COL19A1: variants seen among roughly 807,000 people sequenced by gnomAD.
COL19A1 encodes collagen alpha-1(XIX) chain.
In COL19A1, 159 loss-of-function variants were observed where a neutral mutation model predicts 190.2. The ratio of observed to expected loss-of-function variants is 0.84; its 90% CI spans 0.73 to 0.95. COL19A1 has a LOEUF of 0.95. Among genes scored for constraint, COL19A1 ranks in the 40% least tolerant of loss-of-function variants. COL19A1 has a pLI of 0.00. For missense variants in COL19A1, 1,418 were observed against 1,431.9 expected (o/e 0.99, Z 0.16); for synonymous variants, 509 against 458.9 (o/e 1.11, Z -1.39).
chr6:70,063,908 C>A (rs1299612193), intron 14 of COL19A1, among the ~76,000 whole-genome samples: 13 of 152,004 alleles, frequency 8.6e-5, no homozygotes, highest in Admixed American at 2.0e-4. Context: ...ACACATACAC[C>A]CTCCCAAGAC....
At chr6:70,009,288 T>C (rs1311886855) in intron 11 of COL19A1, among the ~76,000 whole-genome samples, 1 of 152,060 alleles carries the variant, frequency 6.6e-6, no homozygotes, top group Non-Finnish European at 1.5e-5. Context: ...TACAATTCAT[T>C]AGCAAGTTTA....
intron 15 of COL19A1, among the ~76,000 whole-genome samples, chr6:70,071,689 T>G (rs1372829270): frequency 6.6e-6 from 1 of 152,016 alleles, no homozygotes; most frequent in Non-Finnish European, 1.5e-5. Context: ...TGAATATTGA[T>G]CCTAAGCTAC....
intron 15 of COL19A1, among the ~76,000 whole-genome samples, chr6:70,100,928 A>AG (rs1306388876): frequency 6.6e-6 from 1 of 152,176 alleles, no homozygotes. Flanking sequence ...ATCCAATCCC[A>AG]GCATTGTATT....
chr6:69,874,943 T>C (rs1264691318), intron 1 of COL19A1, among the ~76,000 whole-genome samples: 2 of 143,484 alleles, frequency 1.4e-5, no homozygotes, highest in Non-Finnish European at 3.1e-5. Context: ...TTTTAAAAAT[T>C]CAACAAATAT....
Position 70,211,216 on chromosome 6 carries a change from G to C in COL19A1, c.*3942G>C, listed in dbSNP as rs548187658. Among the ~76,000 whole-genome samples the C allele has an allele frequency of 6.6e-5, 10 of 152,090 alleles. No individual in the cohort carries two copies. In the South Asian group the frequency reaches 2.1e-3, roughly 32 times the overall value. ...ATCACTATTTACAAAAGTACAATTAGAAACACTGTTTTTTTTAAGTACCGT... is the reference window on the plus strand; with the variant it reads ...ATCACTATTTACAAAAGTACAATTACAAACACTGTTTTTTTTAAGTACCGT... On this transcript the variant is annotated 3_prime_UTR_variant, in exon 51 of 51. Coordinates refer to ENST00000620364, the MANE Select transcript of COL19A1 (RefSeq NM_001858.6).
At chr6:70,075,211 G>C (rs1781813013) in intron 15 of COL19A1, among the ~76,000 whole-genome samples, 1 of 152,060 alleles carries the variant, frequency 6.6e-6, no homozygotes, top group African/African-American at 2.4e-5. Flanking sequence ...AGGGAAATTG[G>C]GTACCCTATT....
intron 4 of COL19A1, among the ~76,000 whole-genome samples, chr6:69,907,149 A>T (rs1285569704): frequency 4.0e-5 from 6 of 149,360 alleles, no homozygotes; most frequent in African/African-American, 1.5e-4. Flanking sequence ...CTCCAAAAAA[A>T]CAGAGTCTCC....
intron 18 of COL19A1, among the ~76,000 whole-genome samples, chr6:70,131,375 A>G (rs1410228503): frequency 6.6e-6 from 1 of 152,228 alleles, no homozygotes; most frequent in East Asian, 1.9e-4. Flanking sequence ...AAAGTCGTAC[A>G]CCCATCACCA....
intron 15 of COL19A1, among the ~76,000 whole-genome samples, chr6:70,090,381 C>T (rs1037833203): frequency 2.6e-5 from 4 of 152,192 alleles, no homozygotes; most frequent in Non-Finnish European, 4.4e-5. Flanking sequence ...CAACTATTTA[C>T]ATGGCATTTT....
intron 2 of COL19A1, chr6:69,890,612 A>G (rs1422145165): frequency 2.0e-5 from 3 of 152,244 alleles, no homozygotes; most frequent in Non-Finnish European, 4.4e-5. Flanking sequence ...TTTAAACAAT[A>G]AATAATTTTT....
intron 15 of COL19A1, among the ~76,000 whole-genome samples, 192 bp from the exon 16 acceptor site, chr6:70,101,977 A>G (rs1783658996): frequency 6.6e-6 from 1 of 152,222 alleles, no homozygotes; most frequent in Admixed American, 6.5e-5. Context: ...TTCAGGTACT[A>G]TACTTCTCAT....
intron 18 of COL19A1, among the ~76,000 whole-genome samples, chr6:70,132,890 A>G (rs1785610797): frequency 6.6e-6 from 1 of 152,072 alleles, no homozygotes; most frequent in Admixed American, 6.6e-5. Context: ...CATTCACACC[A>G]TGGGCAGAAT....
intron 4 of COL19A1, among the ~76,000 whole-genome samples, chr6:69,916,966 C>T (rs1771349513): frequency 6.6e-6 from 1 of 152,206 alleles, no homozygotes; most frequent in Non-Finnish European, 1.5e-5. Flanking sequence ...TTAACGTCTG[C>T]AGCTTTAATT....
chr6:70,186,426 G>C (rs764533889), intron 46 of COL19A1, among the ~76,000 whole-genome samples: 2 of 152,146 alleles, frequency 1.3e-5, no homozygotes, highest in Non-Finnish European at 2.9e-5. Context: ...TAAGACAGTA[G>C]CATTGATACC....
intron 9 of COL19A1, among the ~76,000 whole-genome samples, chr6:69,957,133 A>G (rs1774470470): frequency 6.6e-6 from 1 of 152,134 alleles, no homozygotes; most frequent in African/African-American, 2.4e-5. Flanking sequence ...TTCAGACAAT[A>G]TATGTTTCCT....
intron 9 of COL19A1, among the ~76,000 whole-genome samples, chr6:69,959,333 G>A (rs1582526373): frequency 6.6e-6 from 1 of 152,016 alleles, no homozygotes; most frequent in South Asian, 2.1e-4. Flanking sequence ...CCAGATATGG[G>A]TAATAAAGTA....
chr6:69,883,293 T>A (rs1254783395), intron 2 of COL19A1, among the ~76,000 whole-genome samples: 3 of 152,124 alleles, frequency 2.0e-5, no homozygotes, highest in African/African-American at 7.2e-5. Context: ...GCCTGCAAGG[T>A]CAAAGGCTAG....
In COL19A1 at chr6:69,893,613, A is replaced by G. The variant is rs73480030; in HGVS notation, c.92-5335A>G. Among the ~76,000 whole-genome samples, 1,273 of 152,312 alleles carry G rather than the reference A, an allele frequency of 8.4e-3. 20 individuals carry two copies. The highest frequency in any genetic ancestry group is 0.026 in the African/African-American group (1,099 of 41,572). On this transcript the variant is annotated intron_variant, in intron 2 of 50. Transcript: ENST00000620364. ...CTGTGGCATAACAAGGAAGAAAATT[A>G]CAATGTTTTACCCCAAAGTATATTT...
chr6:70,062,361 T>C (rs1780889254), intron 14 of COL19A1, among the ~76,000 whole-genome samples: 1 of 152,142 alleles, frequency 6.6e-6, no homozygotes, highest in Non-Finnish European at 1.5e-5. Context: ...TAAAATTAGA[T>C]GGTGAAATTA....
Sources: gnomAD v4.1 joint callset for allele counts (sites outside exome capture counted in the v4.1 genomes callset) on GRCh38, gnomAD v4.1.1 for gene constraint, MANE v1.5 for transcripts, NCBI Gene and HGNC (gene_info 2026-07-23, HGNC 2026-07-21) for gene names.